ADAMTS19: variants seen among roughly 807,000 people sequenced by gnomAD.
ADAMTS19 encodes the protein A disintegrin and metalloproteinase with thrombospondin motifs 19.
Under a neutral mutation model 153.3 loss-of-function variants are expected in ADAMTS19, and 93 were observed. That is an observed-to-expected ratio of 0.61 (90% CI 0.51 to 0.72). ADAMTS19 has a LOEUF of 0.72. ADAMTS19 is among the 30% of genes least tolerant of loss of function. The pLI is 0.00. For synonymous variants in ADAMTS19, 600 were observed against 556.6 expected, an observed-to-expected ratio of 1.08 and a Z score of -1.10; for missense variants, 1,482 against 1,552.1, an observed-to-expected ratio of 0.95 and a Z score of 0.76.
At chr5:129,468,412 G>T (rs774325522) in intron 2 of ADAMTS19, among the ~76,000 whole-genome samples, 3 of 152,154 alleles carry the variant, frequency 2.0e-5, no homozygotes, top group African/African-American at 4.8e-5. Context: ...GGAATGCAGT[G>T]GCACGATGTC....
At chr5:129,641,458 A>G (rs1338147182) in intron 10 of ADAMTS19, among the ~76,000 whole-genome samples, 1 of 152,224 alleles carries the variant, frequency 6.6e-6, no homozygotes, top group Non-Finnish European at 1.5e-5. Flanking sequence ...ATAAGTGGGA[A>G]TAGACCTTAG....
At chr5:129,537,090 A>C (rs1346477963) in intron 6 of ADAMTS19, among the ~76,000 whole-genome samples, 2 of 152,084 alleles carry the variant, frequency 1.3e-5, no homozygotes, top group African/African-American at 2.4e-5. Flanking sequence ...AAAGAAAAAA[A>C]CAACCCCATC....
At chr5:129,729,293 T>C (rs1032676272) in intron 21 of ADAMTS19, among the ~76,000 whole-genome samples, 2 of 152,000 alleles carry the variant, frequency 1.3e-5, no homozygotes, top group Non-Finnish European at 2.9e-5. Flanking sequence ...TGAAAAGATA[T>C]TTGATTATTC....
intron 8 of ADAMTS19, among the ~76,000 whole-genome samples, chr5:129,615,955 C>A (rs1184717826): frequency 1.3e-5 from 2 of 152,056 alleles, no homozygotes; most frequent in East Asian, 3.9e-4. Context: ...GGGTTCTCAA[C>A]AAGTGTATGT....
chr5:129,548,741 G>A (rs1045134718), intron 6 of ADAMTS19, among the ~76,000 whole-genome samples: 2 of 151,878 alleles, frequency 1.3e-5, no homozygotes, highest in Non-Finnish European at 2.9e-5. Flanking sequence ...GTTCATTGCA[G>A]CACTATTTAC....
In ADAMTS19 at chr5:129,683,745, G is replaced by A. The variant is rs536930182; in HGVS notation, c.2665-375G>A. ...ATATGATAGAACACATACTCCTGCCGCCACTTTTGCCCACCTCCAACTAAA... is the reference window on the plus strand; with the variant it reads ...ATATGATAGAACACATACTCCTGCCACCACTTTTGCCCACCTCCAACTAAA... On this transcript the variant is annotated intron_variant, in intron 17 of 22. Transcript: ENST00000274487. 1.2e-3 allele frequency among the ~76,000 whole-genome samples: 184 copies of A among 150,902 alleles called. 1 individual carries two copies. Among genetic ancestry groups the A allele is most frequent in the African/African-American group, 4.1e-3 (169 of 41,004 alleles).
rs374717339 is a variant in ADAMTS19, at chr5:129,553,928, C to A, written c.1372+2021C>A. ...TGGACTCCATCTCCATGGATTCAAC[C>A]ACTTGTGGTTCAAAAATATTTTGTC... On this transcript the variant is annotated intron_variant, in intron 7 of 22. Coordinates refer to ENST00000274487, the MANE Select transcript of ADAMTS19 (RefSeq NM_133638.6). Among the ~76,000 whole-genome samples, 44 of 152,158 alleles carry A rather than the reference C, an allele frequency of 2.9e-4. No individual in the cohort carries two copies. The East Asian group carries it at 6.8e-3, about 23-fold the overall frequency.
At chr5:129,588,203 A>C (rs1466833629) in intron 7 of ADAMTS19, among the ~76,000 whole-genome samples, 1 of 152,140 alleles carries the variant, frequency 6.6e-6, no homozygotes. Flanking sequence ...CATTATTTAA[A>C]ACTCTGTTCC....
chr5:129,715,682 G>T (rs909256456), intron 21 of ADAMTS19, among the ~76,000 whole-genome samples: 4 of 152,148 alleles, frequency 2.6e-5, no homozygotes, highest in African/African-American at 9.7e-5. Context: ...TTGTATGGCT[G>T]GTGGTTTGTG....
In ADAMTS19 at chr5:129,669,743, G is replaced by A. The variant is rs1754218177; in HGVS notation, c.2506+4164G>A. Among the ~76,000 whole-genome samples the A allele has an allele frequency of 3.3e-5, 5 of 151,838 alleles. No homozygotes were observed. The South Asian group carries it at 1.0e-3, about 32-fold the overall frequency. ...TTTTCTCCCTAGGAAAACCTTTGCT[G>A]TGTCCCATAAGGTATGGCTTTGGCA... On this transcript the variant is annotated intron_variant, in intron 16 of 22. Coordinates refer to ENST00000274487, the MANE Select transcript of ADAMTS19 (RefSeq NM_133638.6).
chr5:129,552,116 G>A lies in ADAMTS19; in HGVS notation c.1372+209G>A, dbSNP rs533930162. ...TATATATATTGGAGACAATCTTTAA[G>A]TGATGCTTTAAGGCTATAATTAGTC... On this transcript the variant is annotated intron_variant, in intron 7 of 22. Coordinates refer to ENST00000274487, the MANE Select transcript of ADAMTS19 (RefSeq NM_133638.6). 3.9e-5 allele frequency among the ~76,000 whole-genome samples: 6 copies of A among 151,928 alleles called. No individual in the cohort carries two copies. In the South Asian group the frequency reaches 1.0e-3, roughly 26 times the overall value.
intron 11 of ADAMTS19, among the ~76,000 whole-genome samples, chr5:129,643,376 A>G (rs969250841): frequency 2.0e-5 from 3 of 149,314 alleles, no homozygotes; most frequent in Non-Finnish European, 4.5e-5. Context: ...ACAAAAAAAA[A>G]AAAAAAAAAA....
At chr5:129,695,248 C>G (rs1001208999) in intron 19 of ADAMTS19, among the ~76,000 whole-genome samples, 4 of 152,106 alleles carry the variant, frequency 2.6e-5, no homozygotes, top group Admixed American at 6.6e-5. Flanking sequence ...GACCCAGATC[C>G]CAGCAGAGCC....
chr5:129,578,637 C>G (rs1300986899), intron 7 of ADAMTS19, among the ~76,000 whole-genome samples: 5 of 151,916 alleles, frequency 3.3e-5, no homozygotes, highest in Non-Finnish European at 7.4e-5. Flanking sequence ...TGTTCCCCTC[C>G]CTGTGTCCAT....
chr5:129,686,597 T>C (rs1159481860), intron 18 of ADAMTS19, among the ~76,000 whole-genome samples: 2 of 152,156 alleles, frequency 1.3e-5, no homozygotes, highest in Non-Finnish European at 2.9e-5. Flanking sequence ...GTCACCCCAC[T>C]GAAGGCTACA....
intron 7 of ADAMTS19, among the ~76,000 whole-genome samples, chr5:129,562,104 G>C (rs1347702273): frequency 6.6e-6 from 1 of 152,092 alleles, no homozygotes; most frequent in Non-Finnish European, 1.5e-5. Flanking sequence ...TCTGAATACT[G>C]TTTGTCACTT....
chr5:129,552,935 G>A (rs1294675711), intron 7 of ADAMTS19, among the ~76,000 whole-genome samples: 2 of 152,008 alleles, frequency 1.3e-5, no homozygotes, highest in African/African-American at 4.8e-5. Context: ...GGTTCAGAAG[G>A]AATTGTCGGC....
intron 19 of ADAMTS19, among the ~76,000 whole-genome samples, chr5:129,695,249 C>T (rs970296136): frequency 6.6e-6 from 1 of 152,094 alleles, no homozygotes; most frequent in African/African-American, 2.4e-5. Context: ...ACCCAGATCC[C>T]AGCAGAGCCA....
At chr5:129,575,583 G>A (rs1187291254) in intron 7 of ADAMTS19, among the ~76,000 whole-genome samples, 1 of 152,066 alleles carries the variant, frequency 6.6e-6, no homozygotes, top group South Asian at 2.1e-4. Flanking sequence ...CATATAGAAA[G>A]TCTAAGAACT....
Sources: allele counts gnomAD v4.1 joint callset (sites outside exome capture counted in the v4.1 genomes callset), GRCh38; gene constraint gnomAD v4.1.1; transcripts MANE v1.5; gene names NCBI Gene and HGNC (gene_info 2026-07-23, HGNC 2026-07-21).